Variants in BCORL1 observed in about 807,000 individuals in gnomAD.
The protein encoded by BCORL1 is BCL-6 corepressor-like protein 1.
BCORL1 carries 7 observed loss-of-function variants against 87.6 expected under a neutral mutation model. That is an observed-to-expected ratio of 0.08 (90% CI 0.05 to 0.15). The LOEUF (loss-of-function observed/expected upper bound fraction) is 0.15. Among genes scored for constraint, BCORL1 ranks in the 10% least tolerant of loss-of-function variants. The pLI is 1.00. For missense variants in BCORL1, 1,215 were observed against 1,499.7 expected, an observed-to-expected ratio of 0.81 and a Z score of 3.13; for synonymous variants, 591 against 634.4, an observed-to-expected ratio of 0.93 and a Z score of 1.03.
intron 11 of BCORL1, among the ~76,000 whole-genome samples, chrX:130,044,761 G>A (rs1197797091): frequency 3.6e-5 from 4 of 110,489 alleles, no homozygotes; most frequent in Non-Finnish European, 5.7e-5. Flanking sequence ...CGCCTGCCTC[G>A]GCCTCCCAAA....
intron 4 of BCORL1, among the ~76,000 whole-genome samples, chrX:130,016,926 A>C (rs1929487349): frequency 9.0e-6 from 1 of 111,484 alleles, no homozygotes; most frequent in African/African-American, 3.3e-5. Context: ...ACCAGAGGCT[A>C]CTGGTGATCC....
chrX:130,014,166 C>T lies in BCORL1; in HGVS notation c.1394C>T (p.Thr465Ile). The change falls in exon 4 of 14, where the codon ACA (threonine) becomes ATA (isoleucine). Residue 465 changes from threonine (T) to isoleucine (I), a missense_variant. Thr to Ile is a moderately conservative substitution (Grantham distance 89). This residue lies in a region of BCORL1 where 861 missense variants were observed against 1,010.0 expected (regional missense o/e 0.85). Transcript: ENST00000540052. ...TGTGGGCAGCCACTCAGTGTGGCCA[C>T]ACTGCCAACCACTCTAGGGGTTTCC... ...PSCGQPLSVA[T>I]LPTTLGVSST... The T allele has an allele frequency of 1.7e-6, 2 of 1,211,264 alleles. No individual in the cohort carries two copies. The highest frequency in any genetic ancestry group is 1.1e-6 in the Non-Finnish European group (1 of 895,405).
At chrX:130,044,506 T>C (rs1285615800) in intron 11 of BCORL1, among the ~76,000 whole-genome samples, 1 of 110,004 alleles carries the variant, frequency 9.1e-6, no homozygotes, top group Non-Finnish European at 1.9e-5. Context: ...TTCTCTTTTT[T>C]CTTTAATTTT....
intron 11 of BCORL1, among the ~76,000 whole-genome samples, chrX:130,047,400 G>A (rs775159464): frequency 2.7e-5 from 3 of 112,108 alleles, no homozygotes; most frequent in Non-Finnish European, 3.8e-5. Flanking sequence ...GGTAATGGAA[G>A]CCACACCACC....
At position 130,014,252 on chromosome X, in the gene BCORL1, C is replaced by G; in HGVS notation, c.1480C>G (p.Leu494Val). Residue 494 changes from leucine to valine, a missense_variant, in exon 4 of 14, where the codon CTA becomes GTA. Leu to Val is a conservative substitution (Grantham distance 32). Coordinates refer to ENST00000540052, the MANE Select transcript of BCORL1 (RefSeq NM_001379451.1). ...YLQDRCLPGV[L>V]ASPELRSYPY... is the part of the protein sequence containing the mutation. ...GCAGGACAGGTGTCTCCCAGGCGTG[C>G]TAGCCTCCCCCGAGCTCCGTTCTTA... The G allele has an allele frequency of 8.3e-7, 1 of 1,211,261 alleles. No individual in the cohort carries two copies. Among genetic ancestry groups the G allele is most frequent in the Non-Finnish European group, 1.1e-6 (1 of 895,405 alleles).
chrX:130,026,272 T>C (rs1044070300), intron 7 of BCORL1, among the ~76,000 whole-genome samples: 1 of 112,469 alleles, frequency 8.9e-6, no homozygotes, highest in African/African-American at 3.2e-5. Context: ...CCTTATTAGC[T>C]AAAACTGAAT....
At chrX:130,005,773 G>A (rs1365854175) in intron 2 of BCORL1, among the ~76,000 whole-genome samples, 3 of 102,546 alleles carry the variant, frequency 2.9e-5, no homozygotes, top group Non-Finnish European at 5.9e-5. Context: ...GCAACACCAC[G>A]CCCGGCTAAT....
chrX:130,025,456 C>T (rs1233856306), intron 7 of BCORL1, 77 bp downstream of exon 7: 2 of 985,993 alleles, frequency 2.0e-6, no homozygotes, highest in African/African-American at 3.9e-5. Flanking sequence ...CTACGCCAGC[C>T]AAAGGCTTCG....
chrX:129,995,027 A>G (rs763568968), intron 1 of BCORL1, among the ~76,000 whole-genome samples: 2 of 109,987 alleles, frequency 1.8e-5, no homozygotes, highest in East Asian at 5.6e-4. Context: ...TTTTTCCAAG[A>G]CAGAGTCTCG....
chrX:130,008,940 C>A (rs1263320800), intron 2 of BCORL1, among the ~76,000 whole-genome samples: 1 of 111,958 alleles, frequency 8.9e-6, no homozygotes, highest in Non-Finnish European at 1.9e-5. Flanking sequence ...TTCATGCCTT[C>A]ATTCAACAAA....
rs765407495 is a variant in BCORL1, at chrX:130,037,535, C to T, written c.4694+2C>T. The T allele has an allele frequency of 4.2e-6, 5 of 1,201,188 alleles. No homozygotes were observed. The South Asian group carries it at 7.2e-5, about 17-fold the overall frequency. On this transcript the variant is annotated splice_donor_variant, in intron 10 of 13. Coordinates refer to ENST00000540052, the MANE Select transcript of BCORL1 (RefSeq NM_001379451.1). LOFTEE classifies it low-confidence loss of function (GC_TO_GT_DONOR). ...CTGCAGTGCGCAGGACGGCACGAGG[C>T]AAGAGGGCTGCATCTCCCCCCAGTC...
intron 7 of BCORL1, 68 bp downstream of exon 7, chrX:130,025,447 T>G: frequency 2.4e-5 from 24 of 1,016,043 alleles, no homozygotes; most frequent in Non-Finnish European, 2.8e-5. Flanking sequence ...CGGGCATCTC[T>G]ACGCCAGCCA....
intron 2 of BCORL1, among the ~76,000 whole-genome samples, chrX:130,009,298 C>G (rs765931842): frequency 1.4e-4 from 15 of 110,740 alleles, no homozygotes; most frequent in African/African-American, 4.9e-4. Context: ...AACCCCGTCT[C>G]TACTAAAAAC....
intron 12 of BCORL1, 70 bp from the exon 13 acceptor site, chrX:130,051,790 T>G (rs1932086144): frequency 2.9e-6 from 3 of 1,020,242 alleles, no homozygotes; most frequent in Non-Finnish European, 2.6e-6. Context: ...CTTTATCTGC[T>G]TAGCGCATTT....
Position 130,014,772 on chromosome X carries a change from G to C in BCORL1, c.2000G>C (p.Arg667Pro). ...LLSTVLSRSQRTTQAAGGNVT... is the reference protein window; with the variant it reads ...LLSTVLSRSQPTTQAAGGNVT... ...TCCACAGTCCTGTCTAGGTCTCAGC[G>C]CACAACCCAGGCTGCCGGTGGCAAT... is the stretch of plus-strand genomic sequence containing the variant. Residue 667 changes from arginine to proline, a missense_variant, in exon 4 of 14, where the codon CGC becomes CCC. Around this residue, in one of 5 missense-constraint regions of BCORL1, gnomAD observed 861 missense variants for 1,010.0 expected, o/e 0.85. Transcript: ENST00000540052. 2.5e-6 allele frequency: 3 copies of C among 1,211,319 alleles called. No individual in the cohort carries two copies. The highest frequency in any genetic ancestry group is 3.4e-6 in the Non-Finnish European group (3 of 895,451).
At chrX:130,024,639 C>T (rs1447576464) in intron 6 of BCORL1, among the ~76,000 whole-genome samples, 1 of 111,364 alleles carries the variant, frequency 9.0e-6, no homozygotes, top group African/African-American at 3.3e-5. Flanking sequence ...AAGAGCTAAG[C>T]AAGAGTTTTG....
intron 1 of BCORL1, among the ~76,000 whole-genome samples, chrX:129,992,379 G>T (rs1432070129): frequency 8.9e-6 from 1 of 111,862 alleles, no homozygotes; most frequent in Admixed American, 9.5e-5. Context: ...TTGAGCCCGG[G>T]AGTGCCGCTA....
chrX:130,001,156 T>C (rs767400826), intron 1 of BCORL1, among the ~76,000 whole-genome samples: 1 of 111,443 alleles, frequency 9.0e-6, no homozygotes, highest in Non-Finnish European at 1.9e-5. Flanking sequence ...AATGGTGCGA[T>C]CTTGGCTCAC....
At chrX:130,025,711 T>C (rs748177875) in intron 7 of BCORL1, among the ~76,000 whole-genome samples, 21 of 109,730 alleles carry the variant, frequency 1.9e-4, no homozygotes, top group Non-Finnish European at 9.5e-5. Context: ...CTTGAGGGAG[T>C]CGAGTCTTTT....
Sources: allele counts gnomAD v4.1 joint callset (sites outside exome capture counted in the v4.1 genomes callset), GRCh38; gene constraint gnomAD v4.1.1; regional missense constraint gnomAD v4.1.1; transcripts MANE v1.5; gene names NCBI Gene and HGNC (gene_info 2026-07-23, HGNC 2026-07-21).